MRPS5: variants seen among roughly 807,000 people sequenced by gnomAD.
The protein encoded by MRPS5 is small ribosomal subunit protein uS5m.
A neutral mutation model predicts 51.9 loss-of-function variants in MRPS5; 27 were observed. The observed-to-expected ratio is 0.52, with a 90% CI of 0.38 to 0.72. MRPS5 has a LOEUF of 0.72. Among genes scored for constraint, MRPS5 ranks in the 30% least tolerant of loss-of-function variants. MRPS5 has a pLI of 0.00. For synonymous variants in MRPS5, 196 were observed against 193.2 expected, an observed-to-expected ratio of 1.01 and a Z score of -0.12; for missense variants, 570 against 545.7, an observed-to-expected ratio of 1.04 and a Z score of -0.44.
rs561927057 is a variant in MRPS5 at position 95,104,704 on chromosome 2, C to T, written c.699G>A (p.Ala233=). ...LEVRNVFTMT[A]KEGRKKSIRV... ...GGATCGATTTCTTTCTTCCCTCTTT[C>T]GCAGTCATAGTGAAAACGTTTCTTA... is the stretch of plus-strand genomic sequence containing the variant. Residue 233 remains alanine, a synonymous_variant, in exon 7 of 12, where the codon GCG becomes GCA. Transcript: ENST00000272418. 128 of 1,614,072 alleles carry T rather than the reference C, an allele frequency of 7.9e-5. No homozygotes were observed. The highest frequency in any genetic ancestry group is 7.7e-4 in the South Asian group (70 of 91,070).
upstream of MRPS5, chr2:95,121,896 C>T (rs1676469014): frequency 1.2e-5 from 15 of 1,290,900 alleles, no homozygotes; most frequent in Non-Finnish European, 1.5e-5. Context: ...CAGCGGAATT[C>T]CTGAGGCCCG....
intron 7 of MRPS5, chr2:95,103,845 C>T (rs1336248058): frequency 1.3e-5 from 2 of 151,882 alleles, no homozygotes; most frequent in South Asian, 4.2e-4. Flanking sequence ...AATGTGATCC[C>T]TTTATGTAAA....
intron 10 of MRPS5, among the ~76,000 whole-genome samples, chr2:95,098,579 T>C (rs570339437): frequency 2.0e-5 from 3 of 151,930 alleles, no homozygotes; most frequent in Non-Finnish European, 4.4e-5. Flanking sequence ...GAGCAAACTA[T>C]CTCAAGGACA....
At chr2:95,088,056 A>T (rs1007382888) in intron 11 of MRPS5, among the ~76,000 whole-genome samples, 6 of 151,768 alleles carry the variant, frequency 4.0e-5, no homozygotes, top group African/African-American at 1.5e-4. Flanking sequence ...AGAGGAGGGG[A>T]ACCTATTTAA....
chr2:95,102,427 G>C (rs1179185287), intron 7 of MRPS5, among the ~76,000 whole-genome samples: 1 of 152,202 alleles, frequency 6.6e-6, no homozygotes, highest in Admixed American at 6.5e-5. Flanking sequence ...ACTTTGGGAG[G>C]CCAAGATGGA....
chr2:95,121,615 C>A (rs1202437377), intron 1 of MRPS5, 119 bp downstream of exon 1: 5 of 1,126,484 alleles, frequency 4.4e-6, no homozygotes, highest in Middle Eastern at 2.9e-4. Flanking sequence ...GGGGGCACGG[C>A]GTGAAGAGCC....
At chr2:95,095,394 G>A (rs1675595097) in intron 10 of MRPS5, among the ~76,000 whole-genome samples, 1 of 152,206 alleles carries the variant, frequency 6.6e-6, no homozygotes, top group African/African-American at 2.4e-5. Context: ...CAAATCAACA[G>A]AACATACATT....
At position 95,108,345 on chromosome 2, in the gene MRPS5, G is replaced by A. The variant is rs545418934; in HGVS notation, c.467C>T (p.Thr156Ile). ...CTCTTCCTTGCTTCTTTGGGCAATGGTCTGCACTGCTCCATTTTTCATAAG... is the reference window on the plus strand; with the variant it reads ...CTCTTCCTTGCTTCTTTGGGCAATGATCTGCACTGCTCCATTTTTCATAAG... The part of the protein sequence containing the change: ...VPLMKNGAVQ[T>I]IAQRSKEEQE... The change falls in exon 5 of 12, where the codon ACC (threonine) becomes ATC (isoleucine). Residue 156 changes from threonine to isoleucine, a missense_variant. Thr to Ile is a moderately conservative substitution (Grantham distance 89, BLOSUM62 -1). Coordinates refer to ENST00000272418, the MANE Select transcript of MRPS5 (RefSeq NM_031902.5). The A allele has an allele frequency of 1.2e-6, 2 of 1,614,096 alleles. No homozygotes were observed. The highest frequency in any genetic ancestry group is 1.1e-5 in the South Asian group (1 of 91,072).
At chr2:95,114,569 C>A (rs1282673140) in intron 3 of MRPS5, among the ~76,000 whole-genome samples, 1 of 152,144 alleles carries the variant, frequency 6.6e-6, no homozygotes, top group African/African-American at 2.4e-5. Flanking sequence ...CCGCGCCCGG[C>A]CAATCCTAAT....
intron 1 of MRPS5, among the ~76,000 whole-genome samples, chr2:95,120,092 A>G (rs935200641): frequency 5.3e-5 from 8 of 152,262 alleles, no homozygotes; most frequent in Admixed American, 3.3e-4. Flanking sequence ...CATATGACCT[A>G]GCAATTACAA....
At chr2:95,118,636 C>T (rs774904048) in intron 1 of MRPS5, among the ~76,000 whole-genome samples, 3 of 152,230 alleles carry the variant, frequency 2.0e-5, no homozygotes, top group Admixed American at 6.5e-5. Flanking sequence ...TGCAGCACCA[C>T]GCTGACTGTA....
At chr2:95,088,327 A>G (rs1414991640) in intron 11 of MRPS5, among the ~76,000 whole-genome samples, 1 of 152,212 alleles carries the variant, frequency 6.6e-6, no homozygotes, top group East Asian at 1.9e-4. Context: ...GATTTGGTTC[A>G]AAATAACTGG....
In MRPS5 at chr2:95,104,665, A is replaced by G; in HGVS notation, c.738T>C (p.Ala246=). The G allele has an allele frequency of 6.2e-7, 1 of 1,614,176 alleles. No homozygotes were observed. The highest frequency in any genetic ancestry group is 8.5e-7 in the Non-Finnish European group (1 of 1,180,010). ...GRKKSIRVLV[A]VGNGKGAAGF... is the part of the protein sequence containing the mutation. ...CTGCAGCTCCTTTTCCGTTCCCCAC[A>G]GCCACCAAGACACGGATCGATTTCT... The change falls in exon 7 of 12, where the codon GCT becomes GCC. Residue 246 remains alanine (A), a synonymous_variant. Coordinates refer to ENST00000272418, the MANE Select transcript of MRPS5 (RefSeq NM_031902.5).
chr2:95,111,162 G>A (rs547432147), intron 3 of MRPS5, among the ~76,000 whole-genome samples: 2 of 152,310 alleles, frequency 1.3e-5, no homozygotes, highest in East Asian at 3.9e-4. Flanking sequence ...CACATCACAT[G>A]TTGTTTTGGA....
intron 1 of MRPS5, among the ~76,000 whole-genome samples, chr2:95,119,272 A>G (rs1676374155): frequency 6.6e-6 from 1 of 152,214 alleles, no homozygotes; most frequent in Admixed American, 6.5e-5. Flanking sequence ...CTTCTTATTC[A>G]TGAGGGAAAT....
chr2:95,093,368 C>G (rs1479525532), intron 10 of MRPS5: 1 of 152,248 alleles, frequency 6.6e-6, no homozygotes, highest in Admixed American at 6.5e-5. Flanking sequence ...TCTCCCAGCA[C>G]AGTGTTTGAG....
At chr2:95,120,215 A>G (rs1395533774) in intron 1 of MRPS5, among the ~76,000 whole-genome samples, 1 of 152,276 alleles carries the variant, frequency 6.6e-6, no homozygotes, top group African/African-American at 2.4e-5. Context: ...CAAATGTTCA[A>G]CTGATGAGCA....
chr2:95,106,233 T>C (rs1481948805), intron 6 of MRPS5, among the ~76,000 whole-genome samples, 190 bp downstream of exon 6: 8 of 151,546 alleles, frequency 5.3e-5, no homozygotes, highest in Non-Finnish European at 1.0e-4. Flanking sequence ...ACAGAGAGGG[T>C]AGTAGTCAGA....
rs1234661385 is a variant in MRPS5 at position 95,115,094 on chromosome 2, C to T, written c.249G>A (p.Gln83=). The T allele has an allele frequency of 3.7e-6, 6 of 1,609,624 alleles. No homozygotes were observed. The highest frequency in any genetic ancestry group is 8.5e-7 in the Non-Finnish European group (1 of 1,178,876). ...TAGTGAAGAAACTATATGGTCTATA[C>T]TGCTGGCTCATCAGGTGACTGGGAG... ...ISSPSHLMSQ[Q]YRPYSFFTKL... is the part of the protein sequence containing the mutation. Residue 83 remains glutamine (Q), a synonymous_variant, in exon 3 of 12, where the codon CAG becomes CAA. Transcript: ENST00000272418.
Sources: allele counts gnomAD v4.1 joint callset (sites outside exome capture counted in the v4.1 genomes callset), GRCh38; gene constraint gnomAD v4.1.1; transcripts MANE v1.5; gene names NCBI Gene and HGNC (gene_info 2026-07-23, HGNC 2026-07-21).